The following SLC17A6 variants were observed in gnomAD, a reference collection of about 807,000 sequenced individuals.
SLC17A6 encodes the protein vesicular glutamate transporter 2.
In SLC17A6, 35 loss-of-function variants were observed where a neutral mutation model predicts 67.1. The ratio of observed to expected loss-of-function variants is 0.52; its 90% CI spans 0.40 to 0.69. The LOEUF is 0.69. Among genes scored for constraint, SLC17A6 ranks in the 30% least tolerant of loss-of-function variants. The pLI is 0.00. For synonymous variants in SLC17A6, 285 were observed against 252.3 expected, an observed-to-expected ratio of 1.13 and a Z score of -1.23; for missense variants, 588 against 723.9, an observed-to-expected ratio of 0.81 and a Z score of 2.15.
At position 22,378,110 on chromosome 11, in the gene SLC17A6, T is replaced by A. The variant is rs1024734070; in HGVS notation, c.*370T>A. 4.1e-6 allele frequency: 1 copy of A among 244,176 alleles called. No individual in the cohort carries two copies. The highest frequency in any genetic ancestry group is 5.2e-5 in the Admixed American group (1 of 19,164). The allele number at this position is 244,176 out of a possible 1,614,324, so 15.1% of individuals were successfully genotyped here. A position where few individuals can be genotyped will look rare whatever the true frequency, so the allele number is the denominator to read the frequency against. On this transcript the variant is annotated 3_prime_UTR_variant, in exon 12 of 12. Coordinates refer to ENST00000263160, the MANE Select transcript of SLC17A6 (RefSeq NM_020346.3). ...AGCTACTTGATCATGCAAAATGCAC[T>A]TATATATTTGTTACACTGTATTGCA...
At chr11:22,348,425 A>G (rs2133862183) in intron 3 of SLC17A6, among the ~76,000 whole-genome samples, 1 of 152,288 alleles carries the variant, frequency 6.6e-6, no homozygotes, top group Middle Eastern at 3.4e-3. Flanking sequence ...CTCCCAAGCT[A>G]TTTGGTGACA....
At chr11:22,341,123 G>C (rs963336439) in intron 1 of SLC17A6, among the ~76,000 whole-genome samples, 8 of 152,200 alleles carry the variant, frequency 5.3e-5, no homozygotes, top group African/African-American at 9.6e-5. Flanking sequence ...TGCTGGGCGC[G>C]TGTAGGAGTG....
In SLC17A6 at chr11:22,354,725, A is replaced by G. The variant is rs1316693609; in HGVS notation, c.459-4688A>G. Among the ~76,000 whole-genome samples the G allele has an allele frequency of 4.6e-5, 7 of 152,340 alleles. 1 individual carries two copies. In the East Asian group the frequency reaches 1.2e-3, roughly 25 times the overall value. On this transcript the variant is annotated intron_variant, in intron 3 of 11. Transcript: ENST00000263160. ...CTACAACAGATAAGTAATGTAAACC[A>G]TAGTTCTCTACTTACTATCTATATG... is the stretch of plus-strand genomic sequence containing the variant.
At chr11:22,348,461 C>T (rs140598996) in intron 3 of SLC17A6, among the ~76,000 whole-genome samples, 13 of 152,192 alleles carry the variant, frequency 8.5e-5, no homozygotes, top group Non-Finnish European at 1.5e-4. Flanking sequence ...CCCTTTTCTC[C>T]GCAAAAGGCA....
At chr11:22,366,334 C>T (rs1016950089) in intron 7 of SLC17A6, among the ~76,000 whole-genome samples, 1 of 151,594 alleles carries the variant, frequency 6.6e-6, no homozygotes, top group African/African-American at 2.4e-5. Flanking sequence ...GAAAGTGAAA[C>T]CGCGGTTAAG....
Position 22,338,495 on chromosome 11 carries a change from A to T in SLC17A6, c.-39A>T. On this transcript the variant is annotated 5_prime_UTR_variant, in exon 1 of 12. Transcript: ENST00000263160. ...ATCCTCGCCTTTCCTAGCAATCACT[A>T]TTTAAATCTGGCAAGAACTGACAAC... The T allele has an allele frequency of 7.0e-7, 1 of 1,423,648 alleles. No individual in the cohort carries two copies. The highest frequency in any genetic ancestry group is 2.3e-5 in the East Asian group (1 of 43,982). 88.2% of individuals were successfully genotyped at this position (1,423,648 alleles called of 1,614,324 possible).
intron 7 of SLC17A6, among the ~76,000 whole-genome samples, chr11:22,367,354 TC>T (rs1190146522): frequency 6.6e-6 from 1 of 152,092 alleles, no homozygotes; most frequent in Non-Finnish European, 1.5e-5. Flanking sequence ...AAATCCCATA[TC>T]ATATATAATT....
At chr11:22,357,392 A>G (rs1311437876) in intron 3 of SLC17A6, among the ~76,000 whole-genome samples, 1 of 152,172 alleles carries the variant, frequency 6.6e-6, no homozygotes, top group Admixed American at 6.5e-5. Context: ...AGCTTTACTA[A>G]GGGGGTGATT....
chr11:22,376,430 T>A, intron 10 of SLC17A6, 115 bp from the exon 11 acceptor site: 1 of 1,130,046 alleles, frequency 8.8e-7, no homozygotes, highest in Non-Finnish European at 1.3e-6. Flanking sequence ...ACAAAGTAAT[T>A]AAGCACGTGT....
chr11:22,357,935 C>A (rs996719577), intron 3 of SLC17A6, among the ~76,000 whole-genome samples: 1 of 151,990 alleles, frequency 6.6e-6, no homozygotes, highest in South Asian at 2.1e-4. Flanking sequence ...TAAGGGAAGG[C>A]GGGTACAGGC....
At chr11:22,374,593 A>G (rs1247856061) in intron 8 of SLC17A6, among the ~76,000 whole-genome samples, 162 bp from the exon 9 acceptor site, 1 of 152,158 alleles carries the variant, frequency 6.6e-6, no homozygotes, top group Non-Finnish European at 1.5e-5. Context: ...ATTCTGTGGA[A>G]GGCATTACTT....
intron 1 of SLC17A6, among the ~76,000 whole-genome samples, chr11:22,340,080 C>A (rs1052789431): frequency 6.6e-6 from 1 of 152,172 alleles, no homozygotes; most frequent in South Asian, 2.1e-4. Context: ...CATTTTTCTT[C>A]GGGTGGCCTC....
At chr11:22,354,243 G>A (rs543143432) in intron 3 of SLC17A6, among the ~76,000 whole-genome samples, 10 of 151,832 alleles carry the variant, frequency 6.6e-5, no homozygotes, top group East Asian at 1.9e-4. Flanking sequence ...ACCGCCACAC[G>A]CAGCTAATTT....
In SLC17A6 at chr11:22,338,492, A is replaced by C; in HGVS notation, c.-42A>C. 1 of 1,378,046 alleles carries C rather than the reference A, an allele frequency of 7.3e-7. No individual in the cohort carries two copies. Among genetic ancestry groups the C allele is most frequent in the South Asian group, 1.2e-5 (1 of 85,006 alleles). The allele number at this position is 1,378,046 out of a possible 1,614,324, so 85.4% of individuals were successfully genotyped here. A position where few individuals can be genotyped will look rare whatever the true frequency, so the allele number is the denominator to read the frequency against. On this transcript the variant is annotated 5_prime_UTR_variant, in exon 1 of 12. Coordinates refer to ENST00000263160, the MANE Select transcript of SLC17A6 (RefSeq NM_020346.3). ...GCAATCCTCGCCTTTCCTAGCAATC[A>C]CTATTTAAATCTGGCAAGAACTGAC...
rs774289866 is a variant in SLC17A6 at position 22,370,193 on chromosome 11, G to T, written c.1041+5G>T. ...TTTGGATTTGAAATTAGCAAGGTATGTAAAATGTATTCTTATATAAATTGT... is the reference window on the plus strand; with the variant it reads ...TTTGGATTTGAAATTAGCAAGGTATTTAAAATGTATTCTTATATAAATTGT... On this transcript the variant is annotated splice_donor_5th_base_variant and intron_variant, in intron 8 of 11. Coordinates refer to ENST00000263160, the MANE Select transcript of SLC17A6 (RefSeq NM_020346.3). 6.3e-7 allele frequency: 1 copy of T among 1,595,966 alleles called. No homozygotes were observed. The highest frequency in any genetic ancestry group is 1.2e-5 in the South Asian group (1 of 86,544).
At chr11:22,362,718 C>G in intron 5 of SLC17A6, 21 bp from the exon 6 acceptor site, 1 of 1,597,922 alleles carries the variant, frequency 6.3e-7, no homozygotes, top group Non-Finnish European at 8.6e-7. Flanking sequence ...CACCTTTCTC[C>G]CATTCTTCCT....
chr11:22,358,852 C>G (rs1856018324), intron 3 of SLC17A6, among the ~76,000 whole-genome samples: 1 of 152,158 alleles, frequency 6.6e-6, no homozygotes, highest in African/African-American at 2.4e-5. Flanking sequence ...GGGATTTAAT[C>G]AAGAGACTTC....
rs1226977483 is a variant in SLC17A6, at chr11:22,343,410, T to C, written c.458+45T>C. The C allele has an allele frequency of 2.6e-6, 4 of 1,513,432 alleles. No homozygotes were observed. The African/African-American group carries it at 5.6e-5, about 21-fold the overall frequency. 93.8% of individuals were successfully genotyped at this position (1,513,432 alleles called of 1,614,324 possible). A position where few individuals can be genotyped will look rare whatever the true frequency, so the allele number is the denominator to read the frequency against. On this transcript the variant is annotated intron_variant, in intron 3 of 11. Transcript: ENST00000263160. ...TGGGGCTCGGGGCGTGGTGTTTGTT[T>C]CCTCCGAAGGGGCAGCAGAAGCTGG...
chr11:22,346,695 C>T lies in SLC17A6; in HGVS notation c.458+3330C>T, dbSNP rs188976341. 6.7e-3 allele frequency among the ~76,000 whole-genome samples: 1,010 copies of T among 151,734 alleles called. 10 individuals are homozygous for T. The highest frequency in any genetic ancestry group is 0.01 in the Middle Eastern group (3 of 292). On this transcript the variant is annotated intron_variant, in intron 3 of 11. Transcript: ENST00000263160. ...TTTGTCTTTAAATAATACAGGACAT[C>T]GGCTTATAGTAATCCAGATATTTAC...
Sources: allele counts gnomAD v4.1 joint callset (sites outside exome capture counted in the v4.1 genomes callset), GRCh38; gene constraint gnomAD v4.1.1; transcripts MANE v1.5; gene names NCBI Gene and HGNC (gene_info 2026-07-23, HGNC 2026-07-21).